CTNNA1: variants seen among roughly 807,000 people sequenced by gnomAD.
CTNNA1 encodes the protein catenin alpha-1.
Under a neutral mutation model 98.4 loss-of-function variants are expected in CTNNA1, and 37 were observed. The ratio of observed to expected loss-of-function variants is 0.38; its 90% CI spans 0.29 to 0.49. The LOEUF (loss-of-function observed/expected upper bound fraction) is 0.49. CTNNA1 is among the 20% of genes least tolerant of loss of function. The pLI is 0.95. For synonymous variants in CTNNA1, 404 were observed against 413.2 expected (o/e 0.98, Z 0.27); for missense variants, 761 against 1,147.2 (o/e 0.66, Z 4.86).
chr5:138,864,120 G>C (rs1254134938), intron 7 of CTNNA1, among the ~76,000 whole-genome samples: 1 of 152,138 alleles, frequency 6.6e-6, no homozygotes, highest in African/African-American at 2.4e-5. Context: ...ACCACACCCA[G>C]CTACTTTTTG....
intron 1 of CTNNA1, among the ~76,000 whole-genome samples, chr5:138,765,063 C>T (rs1291895570): frequency 1.3e-5 from 2 of 151,480 alleles, no homozygotes; most frequent in Admixed American, 6.6e-5. Context: ...TTTTTTGAGA[C>T]GGAGTCTTGC....
chr5:138,878,692 G>A (rs1752203515), intron 7 of CTNNA1, among the ~76,000 whole-genome samples: 1 of 152,144 alleles, frequency 6.6e-6, no homozygotes, highest in Non-Finnish European at 1.5e-5. Flanking sequence ...TCCCCTACTT[G>A]GAGAAGCAAA....
chr5:138,917,762 T>A lies in CTNNA1; in HGVS notation c.1410T>A (p.Ala470=), dbSNP rs369260967. 1 of 1,614,068 alleles carries A rather than the reference T, an allele frequency of 6.2e-7. No homozygotes were observed. The highest frequency in any genetic ancestry group is 1.3e-5 in the African/African-American group (1 of 74,956). ...TGCAGGTTATTAATGCTGCACTGGC[T>A]TTAGCAGCAAAACCACAGAGTAAAC... ...LCPQVINAAL[A]LAAKPQSKLA... The change falls in exon 11 of 18, where the codon GCT becomes GCA. Residue 470 remains alanine, a synonymous_variant. Coordinates refer to ENST00000302763, the MANE Select transcript of CTNNA1 (RefSeq NM_001903.5).
rs1219745771 is a variant in CTNNA1, at chr5:138,782,456, G to A, written c.105+427G>A. 3 of 338,334 alleles carry A rather than the reference G, an allele frequency of 8.9e-6. No individual in the cohort carries two copies. In the East Asian group the frequency reaches 2.6e-4, roughly 30 times the overall value. 21.0% of individuals were successfully genotyped at this position (338,334 alleles called of 1,614,324 possible). ...GTATGCTACAAATGTCACAATGTTA[G>A]GGTAGTTCATAAACTGTTAGCAACT... On this transcript the variant is annotated intron_variant, in intron 2 of 17. Transcript: ENST00000302763.
chr5:138,806,675 T>G (rs957119774), intron 3 of CTNNA1, among the ~76,000 whole-genome samples: 4 of 152,262 alleles, frequency 2.6e-5, no homozygotes, highest in East Asian at 3.9e-4. Flanking sequence ...ATCTTCTGCT[T>G]CTTCTAAGCA....
chr5:138,892,389 G>C (rs928811366), intron 9 of CTNNA1, among the ~76,000 whole-genome samples: 1 of 134,618 alleles, frequency 7.4e-6, no homozygotes, highest in Admixed American at 8.0e-5. Context: ...GCCCAGGCTG[G>C]AGTGCAGTGA....
At chr5:138,817,238 C>G (rs1200011608) in intron 5 of CTNNA1, among the ~76,000 whole-genome samples, 1 of 152,112 alleles carries the variant, frequency 6.6e-6, no homozygotes, top group Non-Finnish European at 1.5e-5. Context: ...TGGCCTGTAG[C>G]GTTTCTGCAT....
chr5:138,815,992 T>C (rs73269618), intron 5 of CTNNA1, among the ~76,000 whole-genome samples: 1,831 of 152,330 alleles, frequency 0.012, 39 homozygotes, highest in African/African-American at 0.037. Context: ...GCACTGTCCA[T>C]TGGCCTCCTT....
rs573148964 is a variant in CTNNA1, at chr5:138,825,906, G to A, written c.858+1107G>A. On this transcript the variant is annotated intron_variant, in intron 6 of 17. Coordinates refer to ENST00000302763, the MANE Select transcript of CTNNA1 (RefSeq NM_001903.5). ...TTGTTTTTCCCCCCTTCAAAATTTG[G>A]CAGTATTAGGTATCTTTCAGGGTAG... 3.9e-5 allele frequency among the ~76,000 whole-genome samples: 6 copies of A among 152,136 alleles called. No homozygotes were observed. The South Asian group carries it at 8.3e-4, about 21-fold the overall frequency.
intron 17 of CTNNA1, 122 bp downstream of exon 17, chr5:138,932,834 A>G: frequency 8.0e-7 from 1 of 1,257,786 alleles, no homozygotes; most frequent in South Asian, 1.2e-5. Flanking sequence ...AGAAACTCCA[A>G]GTCCTGTCCC....
At chr5:138,860,594 C>T (rs573212824) in intron 7 of CTNNA1, among the ~76,000 whole-genome samples, 5 of 152,190 alleles carry the variant, frequency 3.3e-5, no homozygotes, top group Non-Finnish European at 5.9e-5. Flanking sequence ...CGCCCGGGCT[C>T]AGGCGATTCT....
intron 1 of CTNNA1, chr5:138,754,001 T>A (rs1312162168): frequency 1.3e-5 from 2 of 151,820 alleles, no homozygotes. Flanking sequence ...CCCCTCCCCC[T>A]TCCCGGCCGC....
At chr5:138,868,267 G>T (rs992835368) in intron 7 of CTNNA1, among the ~76,000 whole-genome samples, 4 of 152,152 alleles carry the variant, frequency 2.6e-5, no homozygotes, top group African/African-American at 9.7e-5. Flanking sequence ...GCAGATTTTC[G>T]ACTGTGTGGA....
At chr5:138,904,544 A>G in intron 10 of CTNNA1, 103 bp downstream of exon 10, 4 of 1,435,070 alleles carry the variant, frequency 2.8e-6, no homozygotes, top group Non-Finnish European at 3.8e-6. Flanking sequence ...TTAGGATTTT[A>G]GATGGAAGTC....
At chr5:138,836,106 T>G (rs1220136025) in intron 7 of CTNNA1, among the ~76,000 whole-genome samples, 2 of 152,194 alleles carry the variant, frequency 1.3e-5, no homozygotes, top group Non-Finnish European at 2.9e-5. Context: ...CTGCCTTGGC[T>G]TCCCAAAGTG....
At chr5:138,818,674 T>C (rs1478011101) in intron 5 of CTNNA1, among the ~76,000 whole-genome samples, 1 of 152,110 alleles carries the variant, frequency 6.6e-6, no homozygotes, top group Non-Finnish European at 1.5e-5. Context: ...AAGTTTGTGG[T>C]AGTTGTGGCA....
intron 4 of CTNNA1, among the ~76,000 whole-genome samples, chr5:138,810,840 G>A (rs1290395290): frequency 1.3e-5 from 2 of 151,886 alleles, no homozygotes; most frequent in African/African-American, 4.8e-5. Context: ...CGGGCAGAGG[G>A]GCTCCTCACT....
chr5:138,759,980 CTTTTTTTTTTTTT>C (rs70982734), intron 1 of CTNNA1, among the ~76,000 whole-genome samples: 4 of 61,244 alleles, frequency 6.5e-5, no homozygotes, highest in Non-Finnish European at 1.1e-4. Flanking sequence ...AATTTCTTTC[CTTTTTTTTTTTTT>C]TTTTTTTTTT....
At chr5:138,821,565 G>T (rs982614074) in intron 5 of CTNNA1, among the ~76,000 whole-genome samples, 3 of 152,172 alleles carry the variant, frequency 2.0e-5, no homozygotes, top group Admixed American at 2.0e-4. Context: ...GTATCCAAGA[G>T]AAATCTATGG....
Sources: gnomAD v4.1 joint callset for allele counts (sites outside exome capture counted in the v4.1 genomes callset) on GRCh38, gnomAD v4.1.1 for gene constraint, MANE v1.5 for transcripts, NCBI Gene and HGNC (gene_info 2026-07-23, HGNC 2026-07-21) for gene names.